Variants in CSMD2 observed in about 807,000 individuals in gnomAD.
CSMD2 encodes CUB and sushi domain-containing protein 2.
In CSMD2, 130 loss-of-function variants were observed where a neutral mutation model predicts 398.5. The observed-to-expected ratio is 0.33, with a 90% CI of 0.28 to 0.38. The LOEUF (loss-of-function observed/expected upper bound fraction) is 0.38, where lower values mean the gene tolerates loss of function less well. Among genes scored for constraint, CSMD2 ranks in the 10% least tolerant of loss-of-function variants. The pLI is 1.00. For synonymous variants in CSMD2, 1,828 were observed against 1,908.5 expected, an observed-to-expected ratio of 0.96 and a Z score of 1.10; for missense variants, 3,829 against 4,764.9, an observed-to-expected ratio of 0.80 and a Z score of 5.78.
At chr1:33,556,958 T>C (rs1161140754) in intron 55 of CSMD2, among the ~76,000 whole-genome samples, 1 of 152,206 alleles carries the variant, frequency 6.6e-6, no homozygotes, top group Non-Finnish European at 1.5e-5. Context: ...CCTCTTTCCT[T>C]TATAAATTAC....
chr1:33,999,816 T>C (rs1390236686), intron 3 of CSMD2, among the ~76,000 whole-genome samples: 2 of 152,130 alleles, frequency 1.3e-5, no homozygotes, highest in East Asian at 1.9e-4. Flanking sequence ...GCCTTGTTTA[T>C]ACTCAAAAAA....
chr1:33,845,247 C>A (rs1449369857), intron 6 of CSMD2, among the ~76,000 whole-genome samples: 2 of 152,192 alleles, frequency 1.3e-5, no homozygotes. Context: ...TGATCTTGGG[C>A]TAGTTACAAC....
chr1:33,797,241 T>C (rs1422534306), intron 10 of CSMD2, among the ~76,000 whole-genome samples: 1 of 152,342 alleles, frequency 6.6e-6, no homozygotes, highest in African/African-American at 2.4e-5. Context: ...TAAAACTTGC[T>C]GGCTTTAAGG....
intron 5 of CSMD2, chr1:33,873,718 T>C (rs1640635388): frequency 6.6e-6 from 1 of 152,248 alleles, no homozygotes; most frequent in Admixed American, 6.5e-5. Context: ...TGAAGCCTTA[T>C]GAGAAACCCT....
rs147163876 is a variant in CSMD2 at position 33,557,967 on chromosome 1, G to C, written c.8555-45C>G. ...CAAACAGGCATGGATTCCCAGTATA[G>C]TAAAATCTTCCGAGCAAAACTAGGC... On this transcript the variant is annotated intron_variant, in intron 54 of 70. Coordinates refer to ENST00000373381, the MANE Select transcript of CSMD2 (RefSeq NM_001281956.2). 9.6e-5 allele frequency: 144 copies of C among 1,500,338 alleles called. No homozygotes were observed. The East Asian group carries it at 2.7e-3, about 28-fold the overall frequency. The allele number at this position is 1,500,338 out of a possible 1,614,324, so 92.9% of individuals were successfully genotyped here.
At chr1:33,568,467 G>A (rs1276195503) in intron 52 of CSMD2, among the ~76,000 whole-genome samples, 1 of 152,146 alleles carries the variant, frequency 6.6e-6, no homozygotes, top group Non-Finnish European at 1.5e-5. Flanking sequence ...GATTACAGGC[G>A]TGAGCCACCA....
At chr1:33,940,876 A>T (rs1483893287) in intron 3 of CSMD2, among the ~76,000 whole-genome samples, 1 of 152,214 alleles carries the variant, frequency 6.6e-6, no homozygotes, top group Non-Finnish European at 1.5e-5. Context: ...GTCAAGGGCA[A>T]CATTTAAAGT....
At chr1:33,600,235 C>T in intron 44 of CSMD2, 1 of 708,156 alleles carries the variant, frequency 1.4e-6, no homozygotes, top group South Asian at 1.5e-5. Context: ...AAAATATCTG[C>T]AGTGATCTGT....
chr1:33,584,644 C>T (rs961528765), intron 46 of CSMD2, among the ~76,000 whole-genome samples: 47 of 134,164 alleles, frequency 3.5e-4, no homozygotes, highest in African/African-American at 1.0e-3. Flanking sequence ...TCCAGCCTGG[C>T]GACAGAGTGA....
chr1:33,993,893 G>A (rs1036506567), intron 3 of CSMD2, among the ~76,000 whole-genome samples: 11 of 152,012 alleles, frequency 7.2e-5, no homozygotes, highest in African/African-American at 2.4e-4. Context: ...ATTCTTCTTT[G>A]TACGGCTCAA....
chr1:34,093,200 G>C, intron 1 of CSMD2, among the ~76,000 whole-genome samples: 1 of 152,128 alleles, frequency 6.6e-6, no homozygotes, highest in South Asian at 2.1e-4. Context: ...TGAGGATCCT[G>C]TCTGTTAGAA....
chr1:34,146,083 T>A (rs1054322153), intron 1 of CSMD2, among the ~76,000 whole-genome samples: 5 of 152,150 alleles, frequency 3.3e-5, no homozygotes, highest in African/African-American at 1.2e-4. Context: ...AGTCAGGGTC[T>A]CACTCTGTCA....
At chr1:33,734,909 T>C (rs574048024) in intron 15 of CSMD2, among the ~76,000 whole-genome samples, 2 of 152,376 alleles carry the variant, frequency 1.3e-5, no homozygotes, top group African/African-American at 4.8e-5. Context: ...TGTCTTTTAA[T>C]AGGGAGTTTA....
chr1:33,622,378 G>A, intron 36 of CSMD2, 107 bp from the exon 37 acceptor site: 6 of 781,070 alleles, frequency 7.7e-6, no homozygotes, highest in Non-Finnish European at 1.1e-5. Flanking sequence ...CTGCTCCCAA[G>A]GCCCCCAGAT....
At chr1:33,653,738 C>A (rs150762990) in intron 27 of CSMD2, among the ~76,000 whole-genome samples, 1 of 151,988 alleles carries the variant, frequency 6.6e-6, no homozygotes, top group Admixed American at 6.6e-5. Flanking sequence ...AGCTGGGAAG[C>A]GTGTGGGGTC....
chr1:33,704,284 T>C (rs1202389724), intron 22 of CSMD2, among the ~76,000 whole-genome samples: 2 of 152,188 alleles, frequency 1.3e-5, no homozygotes, highest in Non-Finnish European at 2.9e-5. Context: ...TATATTCCTT[T>C]CTAATTTTTA....
intron 13 of CSMD2, 107 bp from the exon 14 acceptor site, chr1:33,743,713 A>C (rs1173777803): frequency 7.4e-6 from 6 of 810,092 alleles, no homozygotes; most frequent in Non-Finnish European, 9.5e-6. Flanking sequence ...CAACAGAAAG[A>C]AAGAGTGGCA....
At chr1:33,640,984 T>C (rs929073347) in intron 29 of CSMD2, among the ~76,000 whole-genome samples, 11 of 152,148 alleles carry the variant, frequency 7.2e-5, no homozygotes, top group Non-Finnish European at 1.0e-4. Context: ...CACTTTGGTC[T>C]TTCCTGTGTT....
chr1:33,753,552 CCA>C lies in CSMD2; in HGVS notation c.1847-9948_1847-9947del, dbSNP rs1648559587. On this transcript the variant is annotated intron_variant, in intron 13 of 70. Transcript: ENST00000373381. ...GAGTGGCAATGTGGGGTTGGAACCC[CCA>C]CACAGAGTCCCACCAGTGAAGTGCC... Among the ~76,000 whole-genome samples the C allele has an allele frequency of 2.0e-5, 3 of 152,326 alleles. 1 individual carries two copies. The highest frequency in any genetic ancestry group is 2.0e-4 in the Admixed American group (3 of 15,302).
Sources: allele counts gnomAD v4.1 joint callset (sites outside exome capture counted in the v4.1 genomes callset), GRCh38; gene constraint gnomAD v4.1.1; transcripts MANE v1.5; gene names NCBI Gene and HGNC (gene_info 2026-07-23, HGNC 2026-07-21).